MFHAS1: variants seen among roughly 807,000 people sequenced by gnomAD.
MFHAS1 encodes the protein multifunctional ROCO family signaling regulator 1.
Under a neutral mutation model 70.4 loss-of-function variants are expected in MFHAS1, and 50 were observed. That is an observed-to-expected ratio of 0.71 (90% CI 0.57 to 0.90). The LOEUF (loss-of-function observed/expected upper bound fraction) is 0.90. Ranked by LOEUF, MFHAS1 falls within the 40% of genes least tolerant of loss-of-function variation. The pLI, the probability that MFHAS1 is intolerant of heterozygous loss-of-function variation, is 0.00. For synonymous variants in MFHAS1, 952 were observed against 620.0 expected, an observed-to-expected ratio of 1.54 and a Z score of -7.96; for missense variants, 1,795 against 1,347.6, an observed-to-expected ratio of 1.33 and a Z score of -5.20.
In MFHAS1 at chr8:8,892,713, G is replaced by A. The variant is rs776173643; in HGVS notation, c.346C>T (p.Leu116=). 6.3e-7 allele frequency: 1 copy of A among 1,579,752 alleles called. No individual in the cohort carries two copies. Among genetic ancestry groups the A allele is most frequent in the Non-Finnish European group, 8.6e-7 (1 of 1,163,476 alleles). The change falls in exon 1 of 3, where the codon CTG becomes TTG. Residue 116 remains leucine (L), a synonymous_variant. Coordinates refer to ENST00000276282, the MANE Select transcript of MFHAS1 (RefSeq NM_004225.3). The surrounding 1 kb of genome is among the most constrained non-coding windows in gnomAD (Gnocchi z 4.7). The part of the protein sequence containing the change: ...VAELGHHLTE[L]DVSHNRLTAL... ...GTCAGCCGGTTGTGGCTCACGTCCA[G>A]CTCGGTGAGGTGGTGGCCGAGCTCG...
At chr8:8,828,380 G>A (rs1013203476) in intron 1 of MFHAS1, among the ~76,000 whole-genome samples, 6 of 152,228 alleles carry the variant, frequency 3.9e-5, no homozygotes, top group Non-Finnish European at 5.9e-5. Flanking sequence ...CAGAACACAT[G>A]CCAAGGCCTC....
intron 1 of MFHAS1, among the ~76,000 whole-genome samples, chr8:8,845,167 T>C (rs1807982728): frequency 6.6e-6 from 1 of 152,268 alleles, no homozygotes; most frequent in Non-Finnish European, 1.5e-5. Context: ...AAGTGGATTT[T>C]TTATGTTCTG....
chr8:8,838,275 A>T (rs1002115887), intron 1 of MFHAS1, among the ~76,000 whole-genome samples: 4 of 152,216 alleles, frequency 2.6e-5, no homozygotes, highest in African/African-American at 9.6e-5. Flanking sequence ...GGCTGGGAAG[A>T]GGCAGAAAGC....
At chr8:8,850,454 T>A (rs1808201270) in intron 1 of MFHAS1, among the ~76,000 whole-genome samples, 1 of 152,240 alleles carries the variant, frequency 6.6e-6, no homozygotes, top group Non-Finnish European at 1.5e-5. Flanking sequence ...ACTTTAGAGA[T>A]CATTTCATCC....
chr8:8,884,320 G>A (rs1291525986), intron 1 of MFHAS1, among the ~76,000 whole-genome samples: 2 of 151,944 alleles, frequency 1.3e-5, no homozygotes, highest in Non-Finnish European at 2.9e-5. Context: ...GGAGTTCAGA[G>A]GCCTATTCAT....
chr8:8,873,256 T>C (rs1008121548), intron 1 of MFHAS1, among the ~76,000 whole-genome samples: 1 of 152,224 alleles, frequency 6.6e-6, no homozygotes, highest in Non-Finnish European at 1.5e-5. Flanking sequence ...TTTAATAGCA[T>C]GTTCAGGGAA....
intron 1 of MFHAS1, among the ~76,000 whole-genome samples, chr8:8,864,189 G>A (rs71514515): frequency 0.011 from 1,644 of 152,252 alleles, 15 homozygotes; most frequent in Non-Finnish European, 0.018. Context: ...CTTTCTGTGC[G>A]GCAAGCAGCA....
At position 8,833,308 on chromosome 8, in the gene MFHAS1, C is replaced by A. The variant is rs77359351; in HGVS notation, c.2999-35817G>T. Among the ~76,000 whole-genome samples, 822 of 152,250 alleles carry A rather than the reference C, an allele frequency of 5.4e-3. 5 individuals are homozygous for A. The highest frequency in any genetic ancestry group is 8.4e-3 in the Non-Finnish European group (574 of 68,024). On this transcript the variant is annotated intron_variant, in intron 1 of 2. Coordinates refer to ENST00000276282, the MANE Select transcript of MFHAS1 (RefSeq NM_004225.3). Reference sequence around the variant, plus strand: ...ATATCAGAATGTAATGGTACAAACACTCTGGAAAAATTTGGCAGCTTCCTA... The same window carrying A: ...ATATCAGAATGTAATGGTACAAACAATCTGGAAAAATTTGGCAGCTTCCTA...
chr8:8,853,212 C>A (rs1808310445), intron 1 of MFHAS1, among the ~76,000 whole-genome samples: 4 of 151,894 alleles, frequency 2.6e-5, no homozygotes, highest in Non-Finnish European at 4.4e-5. Context: ...CTCACATACC[C>A]CCCAAAAAAA....
At chr8:8,840,116 C>G (rs1171806674) in intron 1 of MFHAS1, among the ~76,000 whole-genome samples, 3 of 152,106 alleles carry the variant, frequency 2.0e-5, no homozygotes, top group East Asian at 3.8e-4. Flanking sequence ...TGTTCCAACC[C>G]CACTGCCACT....
chr8:8,878,979 T>C (rs1486427930), intron 1 of MFHAS1, among the ~76,000 whole-genome samples: 2 of 152,362 alleles, frequency 1.3e-5, no homozygotes, highest in East Asian at 3.9e-4. Flanking sequence ...AGCATTCATA[T>C]AGTCTTTGGT....
At chr8:8,816,421 A>C (rs1806748083) in intron 1 of MFHAS1, among the ~76,000 whole-genome samples, 1 of 152,178 alleles carries the variant, frequency 6.6e-6, no homozygotes, top group African/African-American at 2.4e-5. Context: ...AAGAAAATAA[A>C]ATGCTTGACA....
chr8:8,823,648 T>C (rs1410705968), intron 1 of MFHAS1, among the ~76,000 whole-genome samples: 2 of 151,032 alleles, frequency 1.3e-5, no homozygotes, highest in East Asian at 3.9e-4. Flanking sequence ...CACACAAACA[T>C]GTCCTTGGTT....
At chr8:8,871,527 G>C (rs983279288) in intron 1 of MFHAS1, among the ~76,000 whole-genome samples, 4 of 152,328 alleles carry the variant, frequency 2.6e-5, no homozygotes, top group Middle Eastern at 3.4e-3. Flanking sequence ...TCCAGCCTGG[G>C]CAACAGAGTG....
chr8:8,849,064 C>CTTTTTGTTTT (rs1808142311), intron 1 of MFHAS1, among the ~76,000 whole-genome samples: 1 of 75,772 alleles, frequency 1.3e-5, no homozygotes, highest in Admixed American at 2.2e-4. Context: ...TCCTTTTTAC[C>CTTTTTGTTTT]TTTTTTTTTT....
intron 1 of MFHAS1, among the ~76,000 whole-genome samples, chr8:8,825,672 A>C (rs1341201928): frequency 6.6e-6 from 1 of 152,156 alleles, no homozygotes; most frequent in Non-Finnish European, 1.5e-5. Context: ...CTACTGGATT[A>C]GGGCCCAACC....
intron 1 of MFHAS1, among the ~76,000 whole-genome samples, chr8:8,863,666 T>C (rs1808749101): frequency 6.6e-6 from 1 of 152,178 alleles, no homozygotes; most frequent in Admixed American, 6.5e-5. Context: ...AGAGAATCAT[T>C]TCCCTAACAT....
chr8:8,825,661 C>T lies in MFHAS1; in HGVS notation c.2999-28170G>A, dbSNP rs187214722. On this transcript the variant is annotated intron_variant, in intron 1 of 2. Coordinates refer to ENST00000276282, the MANE Select transcript of MFHAS1 (RefSeq NM_004225.3). The stretch of plus-strand genomic sequence containing the variant: ...TTCCTCTTCTTGTAAGAACCCCAGT[C>T]CTACTGGATTAGGGCCCAACCTAAT... Among the ~76,000 whole-genome samples the T allele has an allele frequency of 3.2e-3, 486 of 152,232 alleles. 5 individuals are homozygous for T. Among genetic ancestry groups the T allele is most frequent in the African/African-American group, 0.011 (463 of 41,524 alleles).
chr8:8,859,865 G>A (rs1808596842), intron 1 of MFHAS1: 2 of 152,330 alleles, frequency 1.3e-5, no homozygotes, highest in South Asian at 4.1e-4. Flanking sequence ...TGCCCCCAAT[G>A]CCTGCATTGT....
Sources: allele counts gnomAD v4.1 joint callset (sites outside exome capture counted in the v4.1 genomes callset), GRCh38; gene constraint gnomAD v4.1.1; non-coding constraint Gnocchi (gnomAD v3.1); transcripts MANE v1.5; gene names NCBI Gene and HGNC (gene_info 2026-07-23, HGNC 2026-07-21).